SDK1: variants seen among roughly 807,000 people sequenced by gnomAD.
SDK1 encodes the protein sidekick cell adhesion molecule 1, also known as protein sidekick-1.
Under a neutral mutation model 245.5 loss-of-function variants are expected in SDK1, and 157 were observed. The observed-to-expected ratio is 0.64, with a 90% confidence interval of 0.56 to 0.73. The LOEUF (loss-of-function observed/expected upper bound fraction) is 0.73, where lower values mean the gene tolerates loss of function less well. SDK1 is among the 30% of genes least tolerant of loss of function. The pLI is 0.00. For missense variants in SDK1, 3,583 were observed against 3,002.3 expected (o/e 1.19, Z -4.52); for synonymous variants, 1,647 against 1,278.5 (o/e 1.29, Z -6.15).
chr7:3,565,933 T>A (rs879684480), intron 1 of SDK1, among the ~76,000 whole-genome samples: 1 of 152,174 alleles, frequency 6.6e-6, no homozygotes, highest in African/African-American at 2.4e-5. Flanking sequence ...GTACATATGA[T>A]CAAACTATAA....
intron 1 of SDK1, among the ~76,000 whole-genome samples, chr7:3,533,014 G>A (rs1783401475): frequency 6.6e-6 from 1 of 152,178 alleles, no homozygotes; most frequent in African/African-American, 2.4e-5. Context: ...CAGAGAATAA[G>A]TACCAATGAG....
intron 1 of SDK1, among the ~76,000 whole-genome samples, chr7:3,580,801 C>T (rs1002144011): frequency 4.0e-5 from 6 of 151,420 alleles, no homozygotes. Flanking sequence ...ACCCCATTTC[C>T]ACTAAAAATA....
intron 1 of SDK1, among the ~76,000 whole-genome samples, chr7:3,485,022 A>G (rs57733415): frequency 0.27 from 40,495 of 152,044 alleles, 5,594 homozygotes; most frequent in East Asian, 0.34. Flanking sequence ...TATACCCAGC[A>G]GCGGAATTGC....
intron 27 of SDK1, among the ~76,000 whole-genome samples, chr7:4,131,856 A>G (rs1406545047): frequency 2.0e-5 from 3 of 152,080 alleles, no homozygotes; most frequent in Non-Finnish European, 2.9e-5. Context: ...ATGTTATTTC[A>G]TCAGAAATTG....
chr7:3,617,823 T>C (rs1583232533), intron 1 of SDK1, among the ~76,000 whole-genome samples: 1 of 152,326 alleles, frequency 6.6e-6, no homozygotes, highest in African/African-American at 2.4e-5. Context: ...CTGCCTCTTA[T>C]TACTGTTAGA....
At chr7:3,669,058 G>C (rs1583289881) in intron 4 of SDK1, among the ~76,000 whole-genome samples, 1 of 152,196 alleles carries the variant, frequency 6.6e-6, no homozygotes, top group African/African-American at 2.4e-5. Context: ...AGCTCTTTGA[G>C]AGAATCTAAA....
chr7:3,799,025 G>A (rs1779038113), intron 4 of SDK1, among the ~76,000 whole-genome samples: 1 of 152,072 alleles, frequency 6.6e-6, no homozygotes, highest in Non-Finnish European at 1.5e-5. Context: ...CTGCAAGGAA[G>A]GTTTGTCTCT....
chr7:3,708,672 C>T (rs1392427256), intron 4 of SDK1, among the ~76,000 whole-genome samples: 4 of 148,498 alleles, frequency 2.7e-5, no homozygotes, highest in African/African-American at 5.0e-5. Context: ...CAGTTACCTC[C>T]CACCAGGCCC....
chr7:3,731,124 T>G (rs921981553), intron 4 of SDK1, among the ~76,000 whole-genome samples: 1 of 152,206 alleles, frequency 6.6e-6, no homozygotes. Context: ...TCTGCTAGTC[T>G]GCACTCACTC....
At chr7:3,458,830 T>G (rs1780749589) in intron 1 of SDK1, among the ~76,000 whole-genome samples, 1 of 152,196 alleles carries the variant, frequency 6.6e-6, no homozygotes, top group Non-Finnish European at 1.5e-5. Flanking sequence ...TGGTCTGTTT[T>G]GTCTACCTAT....
At position 4,265,327 on chromosome 7, in the gene SDK1, C is replaced by T. The variant is rs1350680191; in HGVS notation, c.6585C>T (p.Tyr2195=). The T allele has an allele frequency of 4.6e-6, 7 of 1,512,060 alleles. No individual in the cohort carries two copies. The highest frequency in any genetic ancestry group is 6.1e-6 in the Non-Finnish European group (7 of 1,141,768). The allele number at this position is 1,512,060 out of a possible 1,614,324, so 93.7% of individuals were successfully genotyped here. ...CCACGCAGAGCGCGGGCGGCGTCTACACCCCCGCTGGCCCCGGCGCGCGAA... is the reference window on the plus strand; with the variant it reads ...CCACGCAGAGCGCGGGCGGCGTCTATACCCCCGCTGGCCCCGGCGCGCGAA... ...VITTQSAGGV[Y]TPAGPGARTP... is the part of the protein sequence containing the mutation. The change falls in exon 45 of 45, where the codon TAC becomes TAT. Residue 2195 remains tyrosine (Y), a synonymous_variant. Coordinates refer to ENST00000404826, the MANE Select transcript of SDK1 (RefSeq NM_152744.4).
intron 14 of SDK1, among the ~76,000 whole-genome samples, chr7:3,998,255 C>T (rs1784824982): frequency 6.6e-6 from 1 of 152,232 alleles, no homozygotes; most frequent in African/African-American, 2.4e-5. Flanking sequence ...CTATGGGCTC[C>T]TTGGAGCAAG....
intron 21 of SDK1, among the ~76,000 whole-genome samples, chr7:4,078,196 C>G (rs1177408170): frequency 6.6e-6 from 1 of 152,164 alleles, no homozygotes; most frequent in Non-Finnish European, 1.5e-5. Flanking sequence ...ATTGCCAAGG[C>G]TGAACGCTTG....
chr7:3,631,667 A>C (rs1782292460), intron 2 of SDK1, among the ~76,000 whole-genome samples: 1 of 152,214 alleles, frequency 6.6e-6, no homozygotes, highest in African/African-American at 2.4e-5. Context: ...GTATGGTCAT[A>C]ACAGATATGA....
intron 4 of SDK1, among the ~76,000 whole-genome samples, chr7:3,662,775 A>G (rs1783407406): frequency 6.6e-6 from 1 of 152,222 alleles, no homozygotes; most frequent in South Asian, 2.1e-4. Context: ...CAAATGCTTC[A>G]AAATCTAAAG....
chr7:4,136,041 T>C (rs1042329382), intron 28 of SDK1, among the ~76,000 whole-genome samples: 1 of 152,194 alleles, frequency 6.6e-6, no homozygotes, highest in Non-Finnish European at 1.5e-5. Context: ...GGTATGGATC[T>C]TGATTTGTGG....
chr7:3,944,475 C>T (rs563415801), intron 5 of SDK1, among the ~76,000 whole-genome samples: 37 of 152,136 alleles, frequency 2.4e-4, no homozygotes, highest in Non-Finnish European at 7.3e-5. Flanking sequence ...GTAATAGTAG[C>T]GGTGGCTCTT....
intron 5 of SDK1, among the ~76,000 whole-genome samples, chr7:3,941,352 C>T (rs1780361678): frequency 6.6e-6 from 1 of 152,110 alleles, no homozygotes; most frequent in Non-Finnish European, 1.5e-5. Context: ...CCATGGCTTT[C>T]CTCCTTGACG....
At position 3,672,011 on chromosome 7, in the gene SDK1, C is replaced by A. The variant is rs145802949; in HGVS notation, c.713+29906C>A. On this transcript the variant is annotated intron_variant, in intron 4 of 44. Transcript: ENST00000404826. ...GAGCTAAAAGCAGGAACACATGGAC[C>A]CTGAGGCATAGCTGCTCTGAAGTCC... 4.6e-5 allele frequency among the ~76,000 whole-genome samples: 7 copies of A among 152,200 alleles called. No homozygotes were observed. The East Asian group carries it at 1.2e-3, about 25-fold the overall frequency.
Sources: gnomAD v4.1 joint callset for allele counts (sites outside exome capture counted in the v4.1 genomes callset) on GRCh38, gnomAD v4.1.1 for gene constraint, MANE v1.5 for transcripts, NCBI Gene and HGNC (gene_info 2026-07-23, HGNC 2026-07-21) for gene names.